Variants in GPC5 observed in about 807,000 individuals in gnomAD.
The protein encoded by GPC5 is glypican-5.
GPC5 carries 47 observed loss-of-function variants against 53.9 expected under a neutral mutation model. The observed-to-expected ratio is 0.87, with a 90% CI of 0.69 to 1.11. The LOEUF is 1.11. Ranked by LOEUF, GPC5 falls within the 50% of genes most tolerant of loss-of-function variation. The pLI, the probability that GPC5 is intolerant of heterozygous loss-of-function variation, is 0.00. For missense variants in GPC5, 748 were observed against 713.1 expected (o/e 1.05, Z -0.56); for synonymous variants, 286 against 263.3 (o/e 1.09, Z -0.84).
At position 92,778,526 on chromosome 13, in the gene GPC5, A is replaced by G. The variant is rs991840252; in HGVS notation, c.1562-87756A>G. ...CCACACATTATTTAAGAAACAGATA[A>G]CATGTACTTAATGCATGTGACATTA... On this transcript the variant is annotated intron_variant, in intron 7 of 7. Transcript: ENST00000377067. Among the ~76,000 whole-genome samples the G allele has an allele frequency of 2.0e-5, 3 of 152,228 alleles. No individual in the cohort carries two copies. The South Asian group carries it at 6.2e-4, about 31-fold the overall frequency.
At chr13:92,217,057 C>G (rs2042415692) in intron 7 of GPC5, among the ~76,000 whole-genome samples, 1 of 151,956 alleles carries the variant, frequency 6.6e-6, no homozygotes, top group Admixed American at 6.6e-5. Flanking sequence ...AGCGCCCAGT[C>G]CCTCTGACCC....
At chr13:91,884,776 G>T (rs1443712917) in intron 5 of GPC5, among the ~76,000 whole-genome samples, 1 of 152,066 alleles carries the variant, frequency 6.6e-6, no homozygotes, top group Non-Finnish European at 1.5e-5. Flanking sequence ...ATTCAAATGT[G>T]GTCAGAATCT....
intron 2 of GPC5, among the ~76,000 whole-genome samples, chr13:91,574,205 T>C (rs1359989663): frequency 6.6e-6 from 1 of 152,168 alleles, no homozygotes; most frequent in East Asian, 1.9e-4. Context: ...TAGCTAAGAA[T>C]AAAATACTGG....
intron 6 of GPC5, among the ~76,000 whole-genome samples, chr13:92,141,765 T>G (rs1424343411): frequency 6.6e-6 from 1 of 152,122 alleles, no homozygotes; most frequent in Non-Finnish European, 1.5e-5. Flanking sequence ...TTGACTCAGT[T>G]TGGGAGCTGA....
chr13:92,407,988 G>T (rs1228207538), intron 7 of GPC5, among the ~76,000 whole-genome samples: 2 of 152,182 alleles, frequency 1.3e-5, no homozygotes, highest in Non-Finnish European at 2.9e-5. Context: ...TAAACCAGGG[G>T]TCCCCAAGCC....
At chr13:92,572,720 A>G (rs1051649085) in intron 7 of GPC5, among the ~76,000 whole-genome samples, 5 of 152,194 alleles carry the variant, frequency 3.3e-5, no homozygotes, top group African/African-American at 1.2e-4. Context: ...TCAATATATT[A>G]TCTCACCATA....
intron 7 of GPC5, among the ~76,000 whole-genome samples, chr13:92,748,569 C>T (rs947574566): frequency 3.9e-5 from 6 of 152,052 alleles, no homozygotes; most frequent in East Asian, 1.9e-4. Flanking sequence ...GATCCACCTG[C>T]CTCGGCCTCC....
At chr13:91,926,836 G>C (rs1274179113) in intron 6 of GPC5, among the ~76,000 whole-genome samples, 1 of 152,130 alleles carries the variant, frequency 6.6e-6, no homozygotes, top group Non-Finnish European at 1.5e-5. Flanking sequence ...ATGAGGCTTT[G>C]CATGGACACA....
At chr13:91,892,806 T>C (rs947542342) in intron 5 of GPC5, among the ~76,000 whole-genome samples, 6 of 151,938 alleles carry the variant, frequency 3.9e-5, no homozygotes, top group Non-Finnish European at 7.4e-5. Flanking sequence ...ATTTAGTGAG[T>C]ATCTGTCACT....
chr13:91,941,783 A>G (rs951330817), intron 6 of GPC5, among the ~76,000 whole-genome samples: 31 of 152,196 alleles, frequency 2.0e-4, no homozygotes, highest in African/African-American at 7.5e-4. Flanking sequence ...AAATAGTAGT[A>G]TTTATTTGTA....
chr13:91,954,091 T>C (rs1464214599), intron 6 of GPC5, among the ~76,000 whole-genome samples: 2 of 152,226 alleles, frequency 1.3e-5, no homozygotes, highest in Non-Finnish European at 2.9e-5. Context: ...TATTCTGTGA[T>C]TTAAAATCTT....
rs143743677 is a variant in GPC5, at chr13:92,731,372, A to G, written c.1562-134910A>G. ...CAGTGGTGACTGTGGAAAGTTAATT[A>G]TGAAACAAAAAGTATATAAACGTGA... On this transcript the variant is annotated intron_variant, in intron 7 of 7. Transcript: ENST00000377067. 2.9e-3 allele frequency among the ~76,000 whole-genome samples: 436 copies of G among 151,728 alleles called. 2 individuals carry two copies. Among genetic ancestry groups the G allele is most frequent in the African/African-American group, 0.01 (422 of 41,502 alleles).
chr13:91,733,747 C>A (rs2036753723), intron 4 of GPC5, among the ~76,000 whole-genome samples: 1 of 152,092 alleles, frequency 6.6e-6, no homozygotes. Flanking sequence ...ATGGGGTTTT[C>A]TAAATATAGA....
chr13:92,799,698 CTGTT>C (rs753782313), intron 7 of GPC5, among the ~76,000 whole-genome samples: 2 of 151,766 alleles, frequency 1.3e-5, no homozygotes, highest in Non-Finnish European at 2.9e-5. Flanking sequence ...CTGGGTTTGA[CTGTT>C]TGTGTTAATA....
At chr13:91,907,886 A>T in intron 5 of GPC5, 51 bp from the exon 6 acceptor site, 1 of 1,577,162 alleles carries the variant, frequency 6.3e-7, no homozygotes, top group South Asian at 1.1e-5. Context: ...GCTGTGACAG[A>T]TAATACCCTG....
chr13:92,847,851 G>T (rs1354350727), intron 7 of GPC5, among the ~76,000 whole-genome samples: 1 of 152,064 alleles, frequency 6.6e-6, no homozygotes, highest in African/African-American at 2.4e-5. Flanking sequence ...AATCATCTTT[G>T]CTGAACTTTG....
chr13:92,193,293 A>G (rs556933400), intron 7 of GPC5, among the ~76,000 whole-genome samples: 17 of 152,362 alleles, frequency 1.1e-4, no homozygotes, highest in South Asian at 1.0e-3. Flanking sequence ...TCTTTTTCCA[A>G]TAAAAAAAGC....
chr13:92,847,056 A>G (rs1473700343), intron 7 of GPC5, among the ~76,000 whole-genome samples: 3 of 152,112 alleles, frequency 2.0e-5, no homozygotes, highest in African/African-American at 4.8e-5. Context: ...ATTGTGTAGT[A>G]TCCTCCAACC....
At chr13:92,415,385 G>A (rs1876241655) in intron 7 of GPC5, among the ~76,000 whole-genome samples, 1 of 152,152 alleles carries the variant, frequency 6.6e-6, no homozygotes, top group Admixed American at 6.5e-5. Context: ...CCAGGAAAAA[G>A]TAGATAGGTG....
Sources: allele counts gnomAD v4.1 joint callset (sites outside exome capture counted in the v4.1 genomes callset), GRCh38; gene constraint gnomAD v4.1.1; transcripts MANE v1.5; gene names NCBI Gene and HGNC (gene_info 2026-07-23, HGNC 2026-07-21).